Variants in ANKFN1 observed in about 807,000 individuals in gnomAD.
The protein encoded by ANKFN1 is ankyrin repeat and fibronectin type III domain containing 1.
A neutral mutation model predicts 108.7 loss-of-function variants in ANKFN1; 74 were observed. That is an observed-to-expected ratio of 0.68 (90% CI 0.56 to 0.83). The LOEUF is 0.83. Among genes scored for constraint, ANKFN1 ranks in the 40% least tolerant of loss-of-function variants. The pLI is 0.00. For synonymous variants in ANKFN1, 547 were observed against 516.2 expected, an observed-to-expected ratio of 1.06 and a Z score of -0.81; for missense variants, 1,505 against 1,382.3, an observed-to-expected ratio of 1.09 and a Z score of -1.41.
intron 10 of ANKFN1, among the ~76,000 whole-genome samples, chr17:56,448,637 G>T (rs2049374819): frequency 6.6e-6 from 1 of 152,112 alleles, no homozygotes; most frequent in South Asian, 2.1e-4. Flanking sequence ...TACAATAAAA[G>T]CACTGGGACT....
intron 1 of ANKFN1, among the ~76,000 whole-genome samples, chr17:56,181,736 GT>G (rs1461004354): frequency 5.3e-5 from 8 of 152,126 alleles, no homozygotes; most frequent in Non-Finnish European, 8.8e-5. Flanking sequence ...ACGTATATAT[GT>G]TTTTATATGC....
rs1410391946 is a variant in ANKFN1, at chr17:56,512,530, C to T, written c.*1261C>T. On this transcript the variant is annotated 3_prime_UTR_variant, in exon 21 of 21. Transcript: ENST00000682825. ...CATTACCTCCTATCTGAATTTCTCA[C>T]AGGAATCCAAATTAGACAAATCACA... is the stretch of plus-strand genomic sequence containing the variant. Among the ~76,000 whole-genome samples the T allele has an allele frequency of 1.3e-5, 2 of 152,200 alleles. No homozygotes were observed. Among genetic ancestry groups the T allele is most frequent in the Non-Finnish European group, 2.9e-5 (2 of 68,034 alleles).
Position 56,513,934 on chromosome 17 carries a change from A to G in ANKFN1, c.*2665A>G, listed in dbSNP as rs1171037374. ...TCACTTTGCAATATTTTGTGAGCCC[A>G]GTTTAAATTAATACATTCTTGTGAG... On this transcript the variant is annotated 3_prime_UTR_variant, in exon 21 of 21. Transcript: ENST00000682825. 6.6e-6 allele frequency among the ~76,000 whole-genome samples: 1 copy of G among 152,216 alleles called. No homozygotes were observed. Among genetic ancestry groups the G allele is most frequent in the African/African-American group, 2.4e-5 (1 of 41,472 alleles).
chr17:56,453,556 C>T (rs1453764386), intron 11 of ANKFN1, among the ~76,000 whole-genome samples: 1 of 152,124 alleles, frequency 6.6e-6, no homozygotes, highest in Non-Finnish European at 1.5e-5. Flanking sequence ...TCACTTGTTG[C>T]CCAGTGTACA....
chr17:56,120,350 G>A (rs750717555), intron 4 of ANKFN1, among the ~76,000 whole-genome samples: 4 of 151,980 alleles, frequency 2.6e-5, no homozygotes, highest in Non-Finnish European at 4.4e-5. Context: ...ATCACCCTTC[G>A]GACTTGATCT....
intron 3 of ANKFN1, among the ~76,000 whole-genome samples, chr17:56,257,505 ATGG>A (rs1274008514): frequency 6.6e-6 from 1 of 152,198 alleles, no homozygotes; most frequent in African/African-American, 2.4e-5. Flanking sequence ...CCCAGATGAT[ATGG>A]TGGTGGGAGC....
Position 56,512,832 on chromosome 17 carries a change from T to C in ANKFN1, c.*1563T>C, listed in dbSNP as rs577240501. Reference sequence around the variant, plus strand: ...GCTGCAAAGGTACAGATTTGGCCCATGGCCTATGGTCATTAGAAAACTAAA... The same window carrying C: ...GCTGCAAAGGTACAGATTTGGCCCACGGCCTATGGTCATTAGAAAACTAAA... On this transcript the variant is annotated 3_prime_UTR_variant, in exon 21 of 21. Coordinates refer to ENST00000682825, the MANE Select transcript of ANKFN1 (RefSeq NM_001370326.1). Among the ~76,000 whole-genome samples, 3 of 152,376 alleles carry C rather than the reference T, an allele frequency of 2.0e-5. No homozygotes were observed. The highest frequency in any genetic ancestry group is 3.9e-4 in the East Asian group (2 of 5,192).
At chr17:56,286,688 A>G (rs118009571) in intron 3 of ANKFN1, among the ~76,000 whole-genome samples, 3,761 of 152,186 alleles carry the variant, frequency 0.025, 97 homozygotes, top group South Asian at 0.033. Context: ...CTCAAGTCAC[A>G]TAGCATGACT....
chr17:56,274,252 T>A (rs1213565223), intron 3 of ANKFN1, among the ~76,000 whole-genome samples: 1 of 152,052 alleles, frequency 6.6e-6, no homozygotes, highest in Non-Finnish European at 1.5e-5. Context: ...GGCAGGCGGA[T>A]CACGAGGTCA....
chr17:56,168,460 G>A (rs1200418170), intron 1 of ANKFN1, among the ~76,000 whole-genome samples: 1 of 152,066 alleles, frequency 6.6e-6, no homozygotes, highest in African/African-American at 2.4e-5. Context: ...TCAAACTCAA[G>A]TGTTTGCACA....
At chr17:56,152,245 AATAT>A (rs68089845), upstream of ANKFN1, among the ~76,000 whole-genome samples, 3,267 of 133,732 alleles carry the variant, frequency 0.024, 114 homozygotes, top group African/African-American at 0.068. Flanking sequence ...CTTGCAGGGA[AATAT>A]ATATATATAT....
chr17:56,046,459 T>C (rs911122767), intron 4 of ANKFN1: 1 of 152,262 alleles, frequency 6.6e-6, no homozygotes, highest in Admixed American at 6.5e-5. Flanking sequence ...TGTCCTCCTC[T>C]TCCAAAGGAG....
chr17:56,299,390 G>C (rs547262988), intron 3 of ANKFN1, among the ~76,000 whole-genome samples: 11 of 152,220 alleles, frequency 7.2e-5, no homozygotes, highest in Admixed American at 1.3e-4. Flanking sequence ...CTGGTTTTCA[G>C]GTTGTACCCA....
intron 1 of ANKFN1, among the ~76,000 whole-genome samples, chr17:56,155,602 G>A (rs1204092776): frequency 6.6e-6 from 1 of 152,196 alleles, no homozygotes; most frequent in Admixed American, 6.5e-5. Flanking sequence ...CTTACAGTGG[G>A]AGAATAGCAC....
intron 4 of ANKFN1, among the ~76,000 whole-genome samples, chr17:56,339,792 T>C (rs2045914488): frequency 6.6e-6 from 1 of 152,112 alleles, no homozygotes; most frequent in Non-Finnish European, 1.5e-5. Context: ...TATAATACAA[T>C]GGTTTATATT....
rs139539084 is a variant in ANKFN1 at position 56,476,649 on chromosome 17, G to A, written c.1774-839G>A. Reference sequence around the variant, plus strand: ...GACAACTGAGAATCTAGAAGTGGTAGACCAGTTAAGGATTTGAAAAACATA... The same window carrying A: ...GACAACTGAGAATCTAGAAGTGGTAAACCAGTTAAGGATTTGAAAAACATA... On this transcript the variant is annotated intron_variant, in intron 15 of 20. Coordinates refer to ENST00000682825, the MANE Select transcript of ANKFN1 (RefSeq NM_001370326.1). Among the ~76,000 whole-genome samples, 581 of 152,312 alleles carry A rather than the reference G, an allele frequency of 3.8e-3. 3 individuals carry two copies. The highest frequency in any genetic ancestry group is 0.013 in the African/African-American group (555 of 41,574).
chr17:56,395,576 C>G (rs1399341435), intron 8 of ANKFN1, among the ~76,000 whole-genome samples: 1 of 152,164 alleles, frequency 6.6e-6, no homozygotes, highest in African/African-American at 2.4e-5. Context: ...AGGCCGGGTG[C>G]CATGGCTCAC....
intron 8 of ANKFN1, among the ~76,000 whole-genome samples, chr17:56,409,144 C>T (rs574105056): frequency 2.0e-5 from 3 of 152,096 alleles, no homozygotes; most frequent in African/African-American, 4.8e-5. Context: ...AGGCTGGTCT[C>T]GAACTCCTGA....
intron 4 of ANKFN1, among the ~76,000 whole-genome samples, chr17:56,120,481 T>C (rs1199860074): frequency 3.9e-5 from 6 of 152,134 alleles, no homozygotes; most frequent in Non-Finnish European, 8.8e-5. Flanking sequence ...TTTAGAATGG[T>C]TCTAATGGTC....
Sources: allele counts gnomAD v4.1 joint callset (sites outside exome capture counted in the v4.1 genomes callset), GRCh38; gene constraint gnomAD v4.1.1; transcripts MANE v1.5; gene names NCBI Gene and HGNC (gene_info 2026-07-23, HGNC 2026-07-21).